SSH3: variants seen among roughly 807,000 people sequenced by gnomAD.
SSH3 encodes the protein protein phosphatase Slingshot homolog 3.
Under a neutral mutation model 75.0 loss-of-function variants are expected in SSH3, and 67 were observed. The observed-to-expected ratio is 0.89, with a 90% CI of 0.73 to 1.10. The LOEUF (loss-of-function observed/expected upper bound fraction) is 1.10, where lower values mean the gene tolerates loss of function less well. SSH3 is among the 50% of genes least tolerant of loss of function. The probability of loss-of-function intolerance (pLI) is 0.00; values close to 1 mark genes in which losing one functional copy is unlikely to be tolerated. For missense variants in SSH3, 824 were observed against 872.7 expected (o/e 0.94, Z 0.70); for synonymous variants, 318 against 349.2 (o/e 0.91, Z 1.00).
In SSH3 at chr11:67,311,605, C is replaced by A. The variant is rs78252461; in HGVS notation, c.1698C>A (p.His566Gln). ...TSDMPEVFSS[H>Q]ESSHEEPLQP... is the part of the protein sequence containing the mutation. Reference sequence around the variant, plus strand: ...CACCTGTCCAGGTCTTCTCTTCCCACGAGTCTTCACATGAAGAGCCTCTGC... The same window carrying A: ...CACCTGTCCAGGTCTTCTCTTCCCAAGAGTCTTCACATGAAGAGCCTCTGC... The change falls in exon 14 of 14, where the codon CAC becomes CAA. Residue 566 changes from histidine to glutamine, a missense_variant. Physicochemically the swap from His to Gln is conservative, Grantham distance 24. Coordinates refer to ENST00000308127, the MANE Select transcript of SSH3 (RefSeq NM_017857.4). The A allele has an allele frequency of 3.1e-6, 5 of 1,614,072 alleles. No individual in the cohort carries two copies. The highest frequency in any genetic ancestry group is 4.2e-6 in the Non-Finnish European group (5 of 1,180,014).
At chr11:67,309,698 T>G in intron 11 of SSH3, 70 bp from the exon 12 acceptor site, 2 of 1,596,254 alleles carry the variant, frequency 1.3e-6, no homozygotes, top group Non-Finnish European at 1.7e-6. Flanking sequence ...GCCCTTCACC[T>G]GCCCTCCCCT....
rs1179391251 is a variant in SSH3 at position 67,307,008 on chromosome 11, G to A, written c.465-34G>A. ...GGAGGGGCAAAGAGGTGAGGGACAGGGGGGACAATGGCTTTCCCTCTGTCC... is the reference window on the plus strand; with the variant it reads ...GGAGGGGCAAAGAGGTGAGGGACAGAGGGGACAATGGCTTTCCCTCTGTCC... On this transcript the variant is annotated intron_variant, in intron 4 of 13. Coordinates refer to ENST00000308127, the MANE Select transcript of SSH3 (RefSeq NM_017857.4). This position sits in a 1 kb window ranked among gnomAD's most constrained non-coding sequence, Gnocchi z 4.2. 6.2e-7 allele frequency: 1 copy of A among 1,613,792 alleles called. No individual in the cohort carries two copies. The highest frequency in any genetic ancestry group is 8.5e-7 in the Non-Finnish European group (1 of 1,179,788).
intron 2 of SSH3, 26 bp from the exon 3 acceptor site, chr11:67,304,747 A>G (rs1861183028): frequency 1.3e-6 from 2 of 1,574,244 alleles, no homozygotes; most frequent in African/African-American, 1.3e-5. Context: ...ATGAGGAGCC[A>G]TGACAGTTGC....
intron 3 of SSH3, among the ~76,000 whole-genome samples, chr11:67,305,662 C>T (rs1861221345): frequency 6.6e-6 from 1 of 152,132 alleles, no homozygotes; most frequent in Non-Finnish European, 1.5e-5. Context: ...TGTGAGCTGT[C>T]CCTAAATGGA....
At chr11:67,305,795 C>T (rs765215877) in intron 3 of SSH3, among the ~76,000 whole-genome samples, 5 of 152,150 alleles carry the variant, frequency 3.3e-5, no homozygotes, top group African/African-American at 2.4e-5. Context: ...CTGGAGCGCT[C>T]ATGCTCAAAT....
Position 67,307,233 on chromosome 11 carries a change from C to T in SSH3, c.536+120C>T. Reference sequence around the variant, plus strand: ...TAGGCTGGGACTCTGGGGCCTGCTCCCAGCTCCACGTCAGATTCACCGTGA... The same window carrying T: ...TAGGCTGGGACTCTGGGGCCTGCTCTCAGCTCCACGTCAGATTCACCGTGA... On this transcript the variant is annotated intron_variant, in intron 5 of 13. Coordinates refer to ENST00000308127, the MANE Select transcript of SSH3 (RefSeq NM_017857.4). The surrounding 1 kb of genome is among the most constrained non-coding windows in gnomAD (Gnocchi z 4.2). 1 of 1,554,672 alleles carries T rather than the reference C, an allele frequency of 6.4e-7. No individual in the cohort carries two copies. The highest frequency in any genetic ancestry group is 8.7e-7 in the Non-Finnish European group (1 of 1,151,148).
rs1368425062 is a variant in SSH3 at position 67,307,648 on chromosome 11, G to A, written c.702G>A (p.Glu234=). The A allele has an allele frequency of 3.7e-6, 6 of 1,614,084 alleles. No individual in the cohort carries two copies. The East Asian group carries it at 1.3e-4, about 36-fold the overall frequency. The change falls in exon 7 of 14, where the codon GAG becomes GAA. Residue 234 remains glutamate (E), a synonymous_variant. Coordinates refer to ENST00000308127, the MANE Select transcript of SSH3 (RefSeq NM_017857.4). The surrounding 1 kb of genome is among the most constrained non-coding windows in gnomAD (Gnocchi z 4.2). ...SALTWASHYQ[E]RLNSEQSCLN... Reference sequence around the variant, plus strand: ...TCACCTGGGCCAGCCACTACCAGGAGAGACTGAACTCCGAACAGAGCTGCC... The same window carrying A: ...TCACCTGGGCCAGCCACTACCAGGAAAGACTGAACTCCGAACAGAGCTGCC...
rs185919007 is a variant in SSH3 at position 67,307,061 on chromosome 11, G to C, written c.484G>C (p.Gly162Arg). Residue 162 changes from glycine (G) to arginine (R), a missense_variant, in exon 5 of 14, where the codon GGC becomes CGC. By Grantham distance (125) the Gly-to-Arg change is moderately radical (BLOSUM62 -2). Coordinates refer to ENST00000308127, the MANE Select transcript of SSH3 (RefSeq NM_017857.4). This position sits in a 1 kb window ranked among gnomAD's most constrained non-coding sequence, Gnocchi z 4.2. ...PDSSSPSCTL[G>R]LVLPLWSDTQ... ...TGCCAGCTCCCCCAGCTGCACCCTG[G>C]GCCTGGTCTTGCCCCTCTGGAGTGA... 2.2e-5 allele frequency: 35 copies of C among 1,614,090 alleles called. No individual in the cohort carries two copies. Among genetic ancestry groups the C allele is most frequent in the Non-Finnish European group, 2.9e-5 (34 of 1,179,996 alleles).
At chr11:67,306,393 A>G (rs2134772683) in intron 3 of SSH3, among the ~76,000 whole-genome samples, 2 of 152,326 alleles carry the variant, frequency 1.3e-5, no homozygotes, top group South Asian at 4.1e-4. Flanking sequence ...TGAGTCCAGG[A>G]GTTCAAGACC....
chr11:67,310,198 C>T lies in SSH3; in HGVS notation c.1542C>T (p.Gly514=). ...GTGGTGGGGAGGAGAAGGTTGTAGG[C>T]ATGGAAGAGAGCCAGGCAGCCCCGA... The part of the protein sequence containing the change: ...PEGGGEEKVV[G]MEESQAAPKE... Residue 514 remains glycine, a synonymous_variant, in exon 13 of 14, where the codon GGC becomes GGT. Transcript: ENST00000308127. 1 of 1,614,202 alleles carries T rather than the reference C, an allele frequency of 6.2e-7. No individual in the cohort carries two copies. The highest frequency in any genetic ancestry group is 1.1e-5 in the South Asian group (1 of 91,088).
At chr11:67,309,249 CT>C in intron 10 of SSH3, 147 bp from the exon 11 acceptor site, 1 of 966,876 alleles carries the variant, frequency 1.0e-6, no homozygotes, top group Non-Finnish European at 1.5e-6. Flanking sequence ...CAGGTGACAG[CT>C]GGGTCACTTC....
chr11:67,306,695 C>G, intron 3 of SSH3, 143 bp from the exon 4 acceptor site: 1 of 1,044,928 alleles, frequency 9.6e-7, no homozygotes. Flanking sequence ...CACAGTCCCT[C>G]TTTACCCACT....
intron 3 of SSH3, among the ~76,000 whole-genome samples, chr11:67,305,767 A>G (rs1274680655): frequency 6.6e-6 from 1 of 152,106 alleles, no homozygotes; most frequent in Non-Finnish European, 1.5e-5. Context: ...CCCACGGAGG[A>G]AGGGAGTCCA....
chr11:67,304,231 A>C (rs1590881683), intron 2 of SSH3, 76 bp downstream of exon 2: 4 of 1,182,992 alleles, frequency 3.4e-6, no homozygotes, highest in East Asian at 2.6e-5. Context: ...CTCCAGCTGC[A>C]GGGACAGAAA....
At position 67,308,137 on chromosome 11, in the gene SSH3, G is replaced by C. The variant is rs367568636; in HGVS notation, c.886-37G>C. The C allele has an allele frequency of 1.9e-6, 3 of 1,601,378 alleles. No individual in the cohort carries two copies. The African/African-American group carries it at 4.0e-5, about 21-fold the overall frequency. On this transcript the variant is annotated intron_variant, in intron 8 of 13. Transcript: ENST00000308127. The surrounding 1 kb of genome is among the most constrained non-coding windows in gnomAD (Gnocchi z 4.9). ...GAAGGTGGCAGGTTGGGCACTAGGA[G>C]AGCCCCAGCCTCTCTTGCCCTGGGC...
At position 67,311,906 on chromosome 11, in the gene SSH3, G is replaced by C. The variant is rs753428642; in HGVS notation, c.*19G>C. ...GGCCTGAGCCCTCACACATGCCCACGCTCCCCTGACACTGAAGAGGATCCA... is the reference window on the plus strand; with the variant it reads ...GGCCTGAGCCCTCACACATGCCCACCCTCCCCTGACACTGAAGAGGATCCA... On this transcript the variant is annotated 3_prime_UTR_variant, in exon 14 of 14. Coordinates refer to ENST00000308127, the MANE Select transcript of SSH3 (RefSeq NM_017857.4). The C allele has an allele frequency of 1.9e-6, 3 of 1,604,146 alleles. No homozygotes were observed. Among genetic ancestry groups the C allele is most frequent in the Non-Finnish European group, 8.5e-7 (1 of 1,177,908 alleles).
intron 11 of SSH3, 29 bp downstream of exon 11, chr11:67,309,572 C>T (rs1861351864): frequency 6.2e-7 from 1 of 1,610,214 alleles, no homozygotes; most frequent in Non-Finnish European, 8.5e-7. Flanking sequence ...CTGCCTGCCC[C>T]ACTGTGGCTT....
rs1861294645 is a variant in SSH3, at chr11:67,307,906, T to A, written c.852T>A (p.Asp284Glu). 1 of 1,614,194 alleles carries A rather than the reference T, an allele frequency of 6.2e-7. No homozygotes were observed. Among genetic ancestry groups the A allele is most frequent in the South Asian group, 1.1e-5 (1 of 91,088 alleles). ...GTGCTGAGCTGTGGAAAGTGTTGGATGTCAGTGACCTGGAGAGTGTCACTT... is the reference window on the plus strand; with the variant it reads ...GTGCTGAGCTGTGGAAAGTGTTGGAAGTCAGTGACCTGGAGAGTGTCACTT... ...AIRAELWKVLDVSDLESVTSK... is the reference protein window; with the variant it reads ...AIRAELWKVLEVSDLESVTSK... The change falls in exon 8 of 14, where the codon GAT becomes GAA. Residue 284 changes from aspartate to glutamate, a missense_variant. Physicochemically the swap from Asp to Glu is conservative, Grantham distance 45. Transcript: ENST00000308127. This position sits in a 1 kb window ranked among gnomAD's most constrained non-coding sequence, Gnocchi z 4.2.
In SSH3 at chr11:67,309,501, T is replaced by TGCC; in HGVS notation, c.1169_1171dup (p.Pro390dup). The TGCC allele has an allele frequency of 6.2e-7, 1 of 1,614,122 alleles. No homozygotes were observed. Among genetic ancestry groups the TGCC allele is most frequent in the Non-Finnish European group, 8.5e-7 (1 of 1,180,036 alleles). ...TGGGATGAGGAGTCGGCCCAGCTGC[T>TGCC]GCCGCACTGGAAGGAGACGCACCGC... On this transcript the variant is annotated inframe_insertion, in exon 11 of 14. Coordinates refer to ENST00000308127, the MANE Select transcript of SSH3 (RefSeq NM_017857.4).
Sources: gnomAD v4.1 joint callset for allele counts (sites outside exome capture counted in the v4.1 genomes callset) on GRCh38, gnomAD v4.1.1 for gene constraint, Gnocchi (gnomAD v3.1) non-coding constraint, MANE v1.5 for transcripts, NCBI Gene and HGNC (gene_info 2026-07-23, HGNC 2026-07-21) for gene names.